ATXN1: variants seen among roughly 807,000 people sequenced by gnomAD.
ATXN1 encodes ataxin-1.
A neutral mutation model predicts 56.4 loss-of-function variants in ATXN1; 8 were observed. The ratio of observed to expected loss-of-function variants is 0.14; its 90% CI spans 0.08 to 0.26. The LOEUF is 0.26. ATXN1 is among the 10% of genes least tolerant of loss of function. The pLI is 1.00. For synonymous variants in ATXN1, 514 were observed against 494.6 expected (o/e 1.04, Z -0.52); for missense variants, 987 against 1,106.5 (o/e 0.89, Z 1.53).
At chr6:16,391,812 C>A (rs1340819277) in intron 6 of ATXN1, among the ~76,000 whole-genome samples, 1 of 152,134 alleles carries the variant, frequency 6.6e-6, no homozygotes, top group South Asian at 2.1e-4. Context: ...GGACTCCAGG[C>A]CTCTAATCCC....
chr6:16,616,086 C>T (rs1307835432), intron 3 of ATXN1: 2 of 151,950 alleles, frequency 1.3e-5, no homozygotes, highest in African/African-American at 4.8e-5. Flanking sequence ...TTTGTATCTG[C>T]TCTTCCATTA....
chr6:16,761,218 G>A (rs1438547840), intron 1 of ATXN1, 80 bp downstream of exon 1: 8 of 392,192 alleles, frequency 2.0e-5, no homozygotes, highest in Admixed American at 2.0e-4. Context: ...GGGGGAGGAG[G>A]GATTTTAATC....
intron 3 of ATXN1, among the ~76,000 whole-genome samples, chr6:16,605,801 G>A (rs755344140): frequency 1.2e-4 from 19 of 152,078 alleles, no homozygotes; most frequent in African/African-American, 3.1e-4. Flanking sequence ...GAAACTTGCC[G>A]GGTCTATATT....
chr6:16,485,462 A>T (rs1006729092), intron 6 of ATXN1: 1 of 152,246 alleles, frequency 6.6e-6, no homozygotes, highest in Non-Finnish European at 1.5e-5. Context: ...AGCACCAAAC[A>T]TAACTGCTTG....
chr6:16,698,743 T>C (rs1329085704), intron 2 of ATXN1, among the ~76,000 whole-genome samples: 2 of 152,058 alleles, frequency 1.3e-5, no homozygotes, highest in Non-Finnish European at 2.9e-5. Flanking sequence ...AGTCTGGTTT[T>C]CAGCCTCAGC....
At chr6:16,541,742 C>T (rs151324325) in intron 4 of ATXN1, among the ~76,000 whole-genome samples, 121 of 152,294 alleles carry the variant, frequency 7.9e-4, no homozygotes, top group African/African-American at 2.7e-3. Flanking sequence ...TGTTACAGAA[C>T]GTCTGAGCTA....
intron 4 of ATXN1, among the ~76,000 whole-genome samples, chr6:16,571,370 A>G (rs1225586761): frequency 1.3e-5 from 2 of 152,206 alleles, no homozygotes; most frequent in Non-Finnish European, 2.9e-5. Context: ...TATTCTGCCA[A>G]TGTGAACATA....
chr6:16,427,950 C>T (rs1254423739), intron 6 of ATXN1, among the ~76,000 whole-genome samples: 1 of 152,124 alleles, frequency 6.6e-6, no homozygotes, highest in Non-Finnish European at 1.5e-5. Flanking sequence ...AGGGGGTGCT[C>T]AGCTGCACTC....
intron 3 of ATXN1, among the ~76,000 whole-genome samples, chr6:16,639,583 G>C (rs188517176): frequency 6.6e-6 from 1 of 152,160 alleles, no homozygotes; most frequent in Non-Finnish European, 1.5e-5. Flanking sequence ...CAAGGTGCTG[G>C]GATTACAGGC....
intron 7 of ATXN1, among the ~76,000 whole-genome samples, chr6:16,310,485 CT>C (rs1208025547): frequency 1.3e-5 from 2 of 152,082 alleles, no homozygotes; most frequent in South Asian, 2.1e-4. Context: ...TTGTTGGATT[CT>C]TTTTTTCTTT....
chr6:16,517,500 G>A (rs918662711), intron 5 of ATXN1, among the ~76,000 whole-genome samples: 1 of 152,198 alleles, frequency 6.6e-6, no homozygotes, highest in Non-Finnish European at 1.5e-5. Flanking sequence ...TACTGGGCAT[G>A]TTGTAAGTGC....
intron 6 of ATXN1, among the ~76,000 whole-genome samples, chr6:16,382,417 C>T (rs1376679455): frequency 6.6e-6 from 1 of 151,956 alleles, no homozygotes; most frequent in African/African-American, 2.4e-5. Flanking sequence ...GAGCTATGAT[C>T]GTGCCAGTGC....
In ATXN1 at chr6:16,760,923, C is replaced by CCGCGCCCCCCGCCCGGG. The variant is rs1162454604; in HGVS notation, c.-730+358_-730+374dup. ...GGGGCGCCGCCGCCGCTCTCCCCGCCCGCGCCCCCCGCCCGGGCGCGCCCC... is the reference window on the plus strand; with the variant it reads ...GGGGCGCCGCCGCCGCTCTCCCCGCCCGCGCCCCCCGCCCGGGCGCGCCCCCCGCCCGGGCGCGCCCC... On this transcript the variant is annotated intron_variant, in intron 1 of 7. Transcript: ENST00000436367. The surrounding 1 kb of genome is among the most constrained non-coding windows in gnomAD (Gnocchi z 5.3). Among the ~76,000 whole-genome samples, 15 of 148,692 alleles carry CCGCGCCCCCCGCCCGGG rather than the reference C, an allele frequency of 1.0e-4. No homozygotes were observed. The highest frequency in any genetic ancestry group is 7.9e-4 in the East Asian group (4 of 5,032).
At chr6:16,549,815 T>C (rs923483918) in intron 4 of ATXN1, among the ~76,000 whole-genome samples, 4 of 144,962 alleles carry the variant, frequency 2.8e-5, no homozygotes, top group Non-Finnish European at 5.9e-5. Flanking sequence ...TAGAATAACT[T>C]GAACTCAGGA....
intron 2 of ATXN1, among the ~76,000 whole-genome samples, chr6:16,658,244 G>A (rs578010533): frequency 5.4e-4 from 82 of 152,324 alleles, no homozygotes; most frequent in African/African-American, 1.9e-3. Context: ...AATTCAGTAC[G>A]TCTAAGTGAT....
In ATXN1 at chr6:16,306,593, G is replaced by A. The variant is rs748653463; in HGVS notation, c.2184C>T (p.Asn728=). 1.9e-6 allele frequency: 3 copies of A among 1,614,192 alleles called. No homozygotes were observed. The highest frequency in any genetic ancestry group is 3.3e-5 in the Admixed American group (2 of 60,028). ...GSRHRYAEQE[N]GINQGSAQML... ...TCTGGGCACTCCCCTGGTTGATTCC[G>A]TTTTCCTGCTCGGCATACCTGTGTC... The change falls in exon 8 of 8, where the codon AAC becomes AAT. Residue 728 remains asparagine (N), a synonymous_variant. Transcript: ENST00000436367. This position sits in a 1 kb window ranked among gnomAD's most constrained non-coding sequence, Gnocchi z 5.2.
chr6:16,515,085 T>A (rs1446982745), intron 5 of ATXN1, among the ~76,000 whole-genome samples: 2 of 152,064 alleles, frequency 1.3e-5, no homozygotes, highest in Non-Finnish European at 2.9e-5. Context: ...TATCTCTGAC[T>A]CCATTCCTTT....
chr6:16,704,360 G>A (rs1359649995), intron 2 of ATXN1, among the ~76,000 whole-genome samples: 2 of 152,032 alleles, frequency 1.3e-5, no homozygotes, highest in African/African-American at 4.8e-5. Context: ...TCGGTCTACA[G>A]AATCAGTTAA....
intron 5 of ATXN1, among the ~76,000 whole-genome samples, chr6:16,512,824 C>T (rs1244005047): frequency 1.3e-5 from 2 of 152,166 alleles, no homozygotes; most frequent in African/African-American, 4.8e-5. Flanking sequence ...GGCTTAGACC[C>T]TCTACCTGCC....
Sources: allele counts gnomAD v4.1 joint callset (sites outside exome capture counted in the v4.1 genomes callset), GRCh38; gene constraint gnomAD v4.1.1; non-coding constraint Gnocchi (gnomAD v3.1); transcripts MANE v1.5; gene names NCBI Gene and HGNC (gene_info 2026-07-23, HGNC 2026-07-21).